Variants in EEF1AKMT2 observed in about 807,000 individuals in gnomAD.
EEF1AKMT2 encodes EEF1A lysine methyltransferase 2.
In EEF1AKMT2, 32 loss-of-function variants were observed where a neutral mutation model predicts 35.8. The ratio of observed to expected loss-of-function variants is 0.89; its 90% CI spans 0.67 to 1.20. EEF1AKMT2 has a LOEUF of 1.20. Ranked by LOEUF, EEF1AKMT2 falls within the 50% of genes most tolerant of loss-of-function variation. EEF1AKMT2 has a pLI of 0.00. For synonymous variants in EEF1AKMT2, 121 were observed against 133.7 expected, an observed-to-expected ratio of 0.91 and a Z score of 0.65; for missense variants, 330 against 347.5, an observed-to-expected ratio of 0.95 and a Z score of 0.40.
intron 4 of EEF1AKMT2, among the ~76,000 whole-genome samples, chr10:124,769,116 G>T (rs1258506779): frequency 2.0e-5 from 3 of 149,356 alleles, no homozygotes; most frequent in African/African-American, 7.4e-5. Context: ...TACTCTGGAG[G>T]CTTTGGTGGA....
intron 3 of EEF1AKMT2, among the ~76,000 whole-genome samples, chr10:124,776,841 T>C (rs1715256957): frequency 6.7e-6 from 1 of 150,346 alleles, no homozygotes; most frequent in African/African-American, 2.4e-5. Flanking sequence ...ATACAGTAAT[T>C]AGGAAGTTCA....
chr10:124,787,433 C>CAAA (rs398015024), intron 3 of EEF1AKMT2, among the ~76,000 whole-genome samples: 173 of 37,034 alleles, frequency 4.7e-3, no homozygotes, highest in East Asian at 8.2e-3. Context: ...GACTCTGTCT[C>CAAA]AAAAAAAAAA....
At chr10:124,764,856 T>A (rs1235699085) in intron 5 of EEF1AKMT2, among the ~76,000 whole-genome samples, 1 of 152,208 alleles carries the variant, frequency 6.6e-6, no homozygotes, top group Non-Finnish European at 1.5e-5. Context: ...AATAATAGAT[T>A]ATATACCTTA....
chr10:124,766,094 T>C (rs1235159089), intron 4 of EEF1AKMT2: 2 of 156,266 alleles, frequency 1.3e-5, no homozygotes, highest in African/African-American at 4.8e-5. Context: ...CCTTCCTAAG[T>C]AGATGTGGCC....
chr10:124,791,631 T>C, intron 1 of EEF1AKMT2, 93 bp downstream of exon 1: 1 of 1,513,906 alleles, frequency 6.6e-7, no homozygotes, highest in South Asian at 1.2e-5. Flanking sequence ...GGTCTCCCTG[T>C]CCCTGAGCCC....
chr10:124,764,323 A>C (rs1412775745), intron 5 of EEF1AKMT2, among the ~76,000 whole-genome samples: 1 of 151,564 alleles, frequency 6.6e-6, no homozygotes, highest in Non-Finnish European at 1.5e-5. Context: ...AAAAAAACAA[A>C]CTAATCTGAA....
rs1311657320 is a variant in EEF1AKMT2 at position 124,790,356 on chromosome 10, T to C, written c.111-18A>G. On this transcript the variant is annotated intron_variant, in intron 1 of 6. Transcript: ENST00000368836. ...CATCCCAACTATGTAAACAATGAAA[T>C]GCAAAGCAAGACTCTTGAATTAAAC... The C allele has an allele frequency of 6.3e-7, 1 of 1,576,060 alleles. No individual in the cohort carries two copies. Among genetic ancestry groups the C allele is most frequent in the Admixed American group, 1.7e-5 (1 of 59,914 alleles).
intron 6 of EEF1AKMT2, among the ~76,000 whole-genome samples, chr10:124,761,802 C>T (rs1468716080): frequency 6.6e-6 from 1 of 152,132 alleles, no homozygotes; most frequent in Non-Finnish European, 1.5e-5. Flanking sequence ...TGTGCCTGTG[C>T]GCCTGTAGTC....
intron 4 of EEF1AKMT2, among the ~76,000 whole-genome samples, chr10:124,773,237 AC>A (rs1480702169): frequency 5.3e-5 from 8 of 151,746 alleles, no homozygotes; most frequent in African/African-American, 1.9e-4. Flanking sequence ...TCTCCCCGTC[AC>A]CCAGGCTGGA....
intron 5 of EEF1AKMT2, among the ~76,000 whole-genome samples, chr10:124,764,313 AAAAAAAC>A (rs1288496259): frequency 6.6e-6 from 1 of 152,094 alleles, no homozygotes; most frequent in Non-Finnish European, 1.5e-5. Context: ...CAAAAAAAAA[AAAAAAAC>A]AAACTAATCT....
Position 124,788,710 on chromosome 10 carries a change from T to TTATATATATATATATATATGTATA in EEF1AKMT2, c.291+332_291+333insTATACATATATATATATATATATA, listed in dbSNP as rs1950609270. 6.5e-5 allele frequency among the ~76,000 whole-genome samples: 6 copies of TTATATATATATATATATATGTATA among 92,580 alleles called. 1 individual carries two copies. In the South Asian group the frequency reaches 2.9e-3, roughly 45 times the overall value. 60.7% of individuals were successfully genotyped at this position (92,580 alleles called of 152,430 possible). Reference sequence around the variant, plus strand: ...CTACTGGAATTGCAAAAGGTCATCTTTATATATATATATATATATGCATTT... The same window carrying TTATATATATATATATATATGTATA: ...CTACTGGAATTGCAAAAGGTCATCTTTATATATATATATATATATGTATATATATATATATATATATATGCATTT... On this transcript the variant is annotated intron_variant, in intron 3 of 6. Transcript: ENST00000368836.
rs1226375893 is a variant in EEF1AKMT2, at chr10:124,759,281, C to T, written c.*1222G>A. On this transcript the variant is annotated 3_prime_UTR_variant, in exon 7 of 7. Transcript: ENST00000368836. ...AACTAGAACATCTTTGTGCATGTAT[C>T]GCTGAGGGCTTATATAACTTACACT... 1 of 152,092 alleles carries T rather than the reference C, an allele frequency of 6.6e-6. No homozygotes were observed. The highest frequency in any genetic ancestry group is 2.4e-5 in the African/African-American group (1 of 41,404). 9.4% of individuals were successfully genotyped at this position (152,092 alleles called of 1,614,324 possible).
At chr10:124,779,490 T>C (rs557040916) in intron 3 of EEF1AKMT2, among the ~76,000 whole-genome samples, 1 of 150,276 alleles carries the variant, frequency 6.7e-6, no homozygotes, top group East Asian at 2.1e-4. Context: ...CTCACGCCTG[T>C]AATCCCAGCA....
intron 3 of EEF1AKMT2, among the ~76,000 whole-genome samples, chr10:124,781,189 C>G (rs1950536489): frequency 6.6e-6 from 1 of 151,890 alleles, no homozygotes; most frequent in African/African-American, 2.4e-5. Flanking sequence ...CGTGATCTGC[C>G]CGCCTCGGCC....
intron 3 of EEF1AKMT2, among the ~76,000 whole-genome samples, chr10:124,787,355 C>T (rs1008204497): frequency 6.6e-6 from 1 of 150,748 alleles, no homozygotes; most frequent in Non-Finnish European, 1.5e-5. Flanking sequence ...ACCACTTGAA[C>T]CCAGGTGGTG....
chr10:124,790,373 G>A (rs1258052960), intron 1 of EEF1AKMT2, 35 bp from the exon 2 acceptor site: 3 of 1,400,924 alleles, frequency 2.1e-6, no homozygotes, highest in Non-Finnish European at 3.0e-6. Flanking sequence ...CAAGACTCTT[G>A]AATTAAACTG....
intron 3 of EEF1AKMT2, among the ~76,000 whole-genome samples, chr10:124,776,804 T>A (rs1950491305): frequency 6.7e-6 from 1 of 148,588 alleles, no homozygotes. Flanking sequence ...TCAAAAAAAA[T>A]AAAATAAAAA....
chr10:124,761,743 G>A (rs1333118104), intron 6 of EEF1AKMT2, among the ~76,000 whole-genome samples: 1 of 152,090 alleles, frequency 6.6e-6, no homozygotes, highest in African/African-American at 2.4e-5. Flanking sequence ...GGGCAACATG[G>A]CGAAACCCCA....
Position 124,790,173 on chromosome 10 carries a change from G to GT in EEF1AKMT2, c.176+99dup, listed in dbSNP as rs1950622012. The GT allele has an allele frequency of 3.3e-6, 3 of 913,638 alleles. No individual in the cohort carries two copies. The South Asian group carries it at 4.2e-5, about 13-fold the overall frequency. 56.6% of individuals were successfully genotyped at this position (913,638 alleles called of 1,614,324 possible). A position where few individuals can be genotyped will look rare whatever the true frequency, so the allele number is the denominator to read the frequency against. On this transcript the variant is annotated intron_variant, in intron 2 of 6. Coordinates refer to ENST00000368836, the MANE Select transcript of EEF1AKMT2 (RefSeq NM_212554.4). ...CTCCCAAAGTGCTGGGATTACAGGC[G>GT]TAAGCCACCGCGCCCGGCGAATATA...
Sources: allele counts gnomAD v4.1 joint callset (sites outside exome capture counted in the v4.1 genomes callset), GRCh38; gene constraint gnomAD v4.1.1; transcripts MANE v1.5; gene names NCBI Gene and HGNC (gene_info 2026-07-23, HGNC 2026-07-21).